Variants in AKAP13 observed in about 807,000 individuals in gnomAD.
The protein encoded by AKAP13 is A-kinase anchor protein 13.
AKAP13 carries 80 observed loss-of-function variants against 264.5 expected under a neutral mutation model. The observed-to-expected ratio is 0.30, with a 90% confidence interval of 0.25 to 0.36. AKAP13 has a LOEUF of 0.36. Among genes scored for constraint, AKAP13 ranks in the 10% least tolerant of loss-of-function variants. The pLI is 1.00. For synonymous variants in AKAP13, 1,380 were observed against 1,250.2 expected (o/e 1.10, Z -2.19); for missense variants, 3,712 against 3,435.2 (o/e 1.08, Z -2.01).
At position 85,439,871 on chromosome 15, in the gene AKAP13, G is replaced by A. The variant is rs189593862; in HGVS notation, c.-11-45839G>A. Among the ~76,000 whole-genome samples the A allele has an allele frequency of 1.3e-4, 20 of 149,012 alleles. No individual in the cohort carries two copies. The East Asian group carries it at 3.4e-3, about 25-fold the overall frequency. ...GCATTAGGAGATATACCTAATGCTAGATGACGAGTTAGTGGGTGCAGCGCA... is the reference window on the plus strand; with the variant it reads ...GCATTAGGAGATATACCTAATGCTAAATGACGAGTTAGTGGGTGCAGCGCA... On this transcript the variant is annotated intron_variant, in intron 1 of 36. Coordinates refer to ENST00000394518, the MANE Select transcript of AKAP13 (RefSeq NM_007200.5).
At chr15:85,557,715 A>G (rs1393925708) in intron 5 of AKAP13, among the ~76,000 whole-genome samples, 1 of 152,102 alleles carries the variant, frequency 6.6e-6, no homozygotes, top group Non-Finnish European at 1.5e-5. Context: ...GACTCAAGTG[A>G]TTTGCCTGCC....
intron 2 of AKAP13, among the ~76,000 whole-genome samples, chr15:85,489,011 ACT>A (rs2075651696): frequency 6.6e-6 from 1 of 152,074 alleles, no homozygotes; most frequent in Middle Eastern, 3.2e-3. Flanking sequence ...TCAGTTAGAA[ACT>A]CTCTGATCTT....
rs115006301 is a variant in AKAP13 at position 85,561,486 on chromosome 15, T to C, written c.663-13645T>C. On this transcript the variant is annotated intron_variant, in intron 5 of 36. Coordinates refer to ENST00000394518, the MANE Select transcript of AKAP13 (RefSeq NM_007200.5). ...TGATTTATTTGTTGAATCAGGTTGG[T>C]GGCTTAAATCTGATTCAGTAAGAGG... Among the ~76,000 whole-genome samples the C allele has an allele frequency of 8.9e-3, 1,359 of 152,356 alleles. 21 individuals carry two copies. The highest frequency in any genetic ancestry group is 0.028 in the African/African-American group (1,158 of 41,580).
At chr15:85,397,853 G>A (rs2071195638) in intron 1 of AKAP13, among the ~76,000 whole-genome samples, 1 of 152,146 alleles carries the variant, frequency 6.6e-6, no homozygotes, top group African/African-American at 2.4e-5. Flanking sequence ...TGATTGATAG[G>A]CAGTAACAAT....
intron 8 of AKAP13, among the ~76,000 whole-genome samples, chr15:85,609,191 C>A (rs2080486307): frequency 6.6e-6 from 1 of 152,138 alleles, no homozygotes; most frequent in African/African-American, 2.4e-5. Context: ...ACTATAGTCA[C>A]CCTTCGGTGT....
chr15:85,613,508 C>T (rs2080770557), intron 8 of AKAP13, among the ~76,000 whole-genome samples: 1 of 151,482 alleles, frequency 6.6e-6, no homozygotes, highest in Non-Finnish European at 1.5e-5. Context: ...GGTGAAACCC[C>T]GTCTCTACTA....
intron 14 of AKAP13, chr15:85,676,998 A>G: frequency 3.0e-6 from 3 of 985,502 alleles, no homozygotes; most frequent in Non-Finnish European, 3.6e-6. Flanking sequence ...TGCGGCCAGC[A>G]AGGCGGATCT....
chr15:85,539,915 A>G (rs1216219184), intron 4 of AKAP13, among the ~76,000 whole-genome samples: 1 of 152,234 alleles, frequency 6.6e-6, no homozygotes, highest in East Asian at 1.9e-4. Context: ...TAAGAAACAA[A>G]AAAATGTAGA....
intron 8 of AKAP13, among the ~76,000 whole-genome samples, chr15:85,630,166 T>TACACACACACACAC (rs59852934): frequency 4.0e-5 from 4 of 100,124 alleles, no homozygotes; most frequent in African/African-American, 1.2e-4. Flanking sequence ...TTTTAACACA[T>TACACACACACACAC]ACACACACAC....
intron 2 of AKAP13, among the ~76,000 whole-genome samples, chr15:85,512,270 ATC>A (rs2151125065): frequency 6.6e-6 from 1 of 152,304 alleles, no homozygotes; most frequent in East Asian, 1.9e-4. Flanking sequence ...ATAATTGCAC[ATC>A]TCTCTGACTT....
intron 4 of AKAP13, among the ~76,000 whole-genome samples, chr15:85,537,482 T>C (rs1199440276): frequency 6.6e-6 from 1 of 152,234 alleles, no homozygotes; most frequent in Non-Finnish European, 1.5e-5. Context: ...TGCAGTGCTT[T>C]TTAGCTTTCT....
At chr15:85,382,967 A>G (rs985622307) in intron 1 of AKAP13, among the ~76,000 whole-genome samples, 16 of 152,168 alleles carry the variant, frequency 1.1e-4, no homozygotes, top group Non-Finnish European at 1.3e-4. Context: ...TTAATCTGTC[A>G]ATTATTTTTT....
chr15:85,724,021 A>G lies in AKAP13; in HGVS notation c.6745+701A>G, dbSNP rs1246465887. On this transcript the variant is annotated intron_variant, in intron 26 of 36. Coordinates refer to ENST00000394518, the MANE Select transcript of AKAP13 (RefSeq NM_007200.5). This position sits in a 1 kb window ranked among gnomAD's most constrained non-coding sequence, Gnocchi z 4.2. ...TTTGTTTTCATCAAACCTATACTCC[A>G]TGGGCCTATATGTTACACCAATAGC... Among the ~76,000 whole-genome samples the G allele has an allele frequency of 6.6e-6, 1 of 152,116 alleles. No homozygotes were observed. The highest frequency in any genetic ancestry group is 1.5e-5 in the Non-Finnish European group (1 of 68,030).
At chr15:85,392,286 G>T (rs56025704) in intron 1 of AKAP13, among the ~76,000 whole-genome samples, 4 of 118,408 alleles carry the variant, frequency 3.4e-5, no homozygotes, top group African/African-American at 1.0e-4. Context: ...ATGGAGTCTC[G>T]CTCTGTCGCC....
At chr15:85,538,234 G>C (rs145431420) in intron 4 of AKAP13, among the ~76,000 whole-genome samples, 2 of 152,222 alleles carry the variant, frequency 1.3e-5, no homozygotes, top group East Asian at 3.9e-4. Context: ...CATCCTGGGG[G>C]AATCTTCATT....
intron 8 of AKAP13, among the ~76,000 whole-genome samples, chr15:85,610,362 A>G (rs1239894254): frequency 3.9e-5 from 6 of 152,202 alleles, no homozygotes; most frequent in Admixed American, 6.5e-5. Context: ...TCCTTCAGCT[A>G]TATGAAACCT....
At chr15:85,662,464 G>T (rs1319939627) in intron 12 of AKAP13, 2 of 1,613,944 alleles carry the variant, frequency 1.2e-6, no homozygotes, top group African/African-American at 2.7e-5. Flanking sequence ...GTATGATATT[G>T]TTATGTGTCC....
intron 2 of AKAP13, among the ~76,000 whole-genome samples, chr15:85,492,580 G>A (rs965903196): frequency 6.6e-6 from 1 of 152,112 alleles, no homozygotes; most frequent in Non-Finnish European, 1.5e-5. Context: ...TCCTAAGAAT[G>A]AAGACATTCT....
intron 1 of AKAP13, among the ~76,000 whole-genome samples, chr15:85,477,338 G>T (rs1312835863): frequency 1.3e-5 from 2 of 151,924 alleles, no homozygotes; most frequent in East Asian, 3.9e-4. Context: ...GAAGAAGAAT[G>T]ATCTGGGCTA....
Sources: gnomAD v4.1 joint callset for allele counts (sites outside exome capture counted in the v4.1 genomes callset) on GRCh38, gnomAD v4.1.1 for gene constraint, Gnocchi (gnomAD v3.1) non-coding constraint, MANE v1.5 for transcripts, NCBI Gene and HGNC (gene_info 2026-07-23, HGNC 2026-07-21) for gene names.